The following DCHS2 variants were observed in gnomAD, a reference collection of about 807,000 sequenced individuals.
The protein encoded by DCHS2 is dachsous cadherin-related 2, also known as protocadherin-23.
A neutral mutation model predicts 182.4 loss-of-function variants in DCHS2; 142 were observed. The ratio of observed to expected loss-of-function variants is 0.78; its 90% CI spans 0.68 to 0.89. DCHS2 has a LOEUF of 0.89. Ranked by LOEUF, DCHS2 falls within the 40% of genes least tolerant of loss-of-function variation. The probability of loss-of-function intolerance (pLI) is 0.00; values close to 1 mark genes in which losing one functional copy is unlikely to be tolerated. For synonymous variants in DCHS2, 1,740 were observed against 1,663.3 expected (o/e 1.05, Z -1.12); for missense variants, 4,319 against 4,198.6 (o/e 1.03, Z -0.79).
In DCHS2 at chr4:154,320,634, C is replaced by T. The variant is rs1736021751; in HGVS notation, c.4765G>A (p.Ala1589Thr). The change falls in exon 9 of 20, where the codon GCA (alanine) becomes ACA (threonine). Residue 1589 changes from alanine (A) to threonine (T), a missense_variant. Transcript: ENST00000357232. ...GTCACATTCACAGCCTGATCAGATG[C>T]TGTTACTGTCAGGATGACAGTTGGA... ...SIPTVILTVT[A>T]SDQAVNVTDR... 1 of 1,614,036 alleles carries T rather than the reference C, an allele frequency of 6.2e-7. No individual in the cohort carries two copies. Among genetic ancestry groups the T allele is most frequent in the African/African-American group, 1.3e-5 (1 of 74,912 alleles).
Position 154,483,769 on chromosome 4 carries a change from A to ATTAT in DCHS2, c.2052+5534_2052+5535insATAA, listed in dbSNP as rs544528552. ...GTCCTTGAGGCTCAGGAATACAAGC[A>ATTAT]CATAGCATTATCATCACAGAGACCT... On this transcript the variant is annotated intron_variant, in intron 1 of 19. Transcript: ENST00000357232. Among the ~76,000 whole-genome samples, 217 of 152,278 alleles carry ATTAT rather than the reference A, an allele frequency of 1.4e-3. 1 individual carries two copies. The highest frequency in any genetic ancestry group is 4.9e-3 in the African/African-American group (203 of 41,546).
chr4:154,409,417 G>A (rs1055939792), intron 1 of DCHS2, among the ~76,000 whole-genome samples: 1 of 152,114 alleles, frequency 6.6e-6, no homozygotes, highest in African/African-American at 2.4e-5. Context: ...CCTAAATTGT[G>A]ATTGTACCCT....
Position 154,236,206 on chromosome 4 carries a change from G to T in DCHS2, c.8446C>A (p.His2816Asn). Residue 2816 changes from histidine (H) to asparagine (N), a missense_variant, in exon 20 of 20, where the codon CAT (histidine) becomes AAT (asparagine). Physicochemically the swap from His to Asn is moderately conservative, Grantham distance 68 (BLOSUM62 1). Coordinates refer to ENST00000357232, the MANE Select transcript of DCHS2 (RefSeq NM_001358235.2). ...AGATCATGATCATAAGACATTCCAT[G>T]AGTGAGAAAACAGGGTGATACAATA... is the stretch of plus-strand genomic sequence containing the variant. ...YSIVSPCFLT[H>N]GMSYDHDLFL... 3 of 1,613,900 alleles carry T rather than the reference G, an allele frequency of 1.9e-6. No homozygotes were observed.
chr4:154,373,805 A>T (rs1167528556), intron 2 of DCHS2: 1 of 799,618 alleles, frequency 1.3e-6, no homozygotes, highest in Admixed American at 2.4e-5. Context: ...ATCACAGCCA[A>T]GATGGAGAAG....
At chr4:154,385,162 G>A (rs1731347655) in intron 1 of DCHS2, among the ~76,000 whole-genome samples, 1 of 145,154 alleles carries the variant, frequency 6.9e-6, no homozygotes, top group African/African-American at 2.6e-5. Context: ...CTATGAGTGA[G>A]AACATGCGGC....
chr4:154,385,190 T>C (rs1004058948), intron 1 of DCHS2, among the ~76,000 whole-genome samples: 2 of 151,358 alleles, frequency 1.3e-5, no homozygotes, highest in Non-Finnish European at 2.9e-5. Context: ...TTTTTGTCCT[T>C]GCAATAGTTT....
intron 12 of DCHS2, among the ~76,000 whole-genome samples, chr4:154,299,102 G>A (rs1043604373): frequency 6.6e-6 from 1 of 152,132 alleles, no homozygotes; most frequent in African/African-American, 2.4e-5. Context: ...AAAAAAAACA[G>A]AATATAATGT....
At chr4:154,292,964 T>C (rs1353040548) in intron 13 of DCHS2, among the ~76,000 whole-genome samples, 1 of 152,216 alleles carries the variant, frequency 6.6e-6, no homozygotes, top group South Asian at 2.1e-4. Context: ...ACCATCCTCC[T>C]GGGAATTGTC....
intron 1 of DCHS2, among the ~76,000 whole-genome samples, chr4:154,382,775 T>G (rs879395893): frequency 1.3e-5 from 2 of 152,018 alleles, no homozygotes; most frequent in African/African-American, 2.4e-5. Flanking sequence ...ATCAGAGAAA[T>G]GCAAATCAAT....
chr4:154,451,600 G>A (rs1319143327), intron 1 of DCHS2, among the ~76,000 whole-genome samples: 1 of 152,142 alleles, frequency 6.6e-6, no homozygotes, highest in Non-Finnish European at 1.5e-5. Context: ...GTTCACAGAT[G>A]CTTCCACATG....
At position 154,332,377 on chromosome 4, in the gene DCHS2, C is replaced by G. The variant is rs1020082164; in HGVS notation, c.3730+101G>C. On this transcript the variant is annotated intron_variant, in intron 5 of 19. Transcript: ENST00000357232. Reference sequence around the variant, plus strand: ...CCTAACGACTTGAGTTTTCTCAATCCTGATTTTGTTTAATTTTTTATTTTT... The same window carrying G: ...CCTAACGACTTGAGTTTTCTCAATCGTGATTTTGTTTAATTTTTTATTTTT... 19 of 1,111,770 alleles carry G rather than the reference C, an allele frequency of 1.7e-5. No homozygotes were observed. In the African/African-American group the frequency reaches 2.4e-4, roughly 14 times the overall value. 68.9% of individuals were successfully genotyped at this position (1,111,770 alleles called of 1,614,324 possible).
At chr4:154,417,943 T>C (rs1732943346) in intron 1 of DCHS2, among the ~76,000 whole-genome samples, 1 of 152,248 alleles carries the variant, frequency 6.6e-6, no homozygotes. Flanking sequence ...CCATTTCATC[T>C]TTGCTTATTT....
intron 13 of DCHS2, among the ~76,000 whole-genome samples, chr4:154,292,866 C>T (rs1734729344): frequency 6.6e-6 from 1 of 152,126 alleles, no homozygotes; most frequent in South Asian, 2.1e-4. Context: ...AGCCATTTTT[C>T]CATCTCTATC....
At chr4:154,481,913 G>A (rs56223712) in intron 1 of DCHS2, among the ~76,000 whole-genome samples, 25,498 of 152,190 alleles carry the variant, frequency 0.17, 2,597 homozygotes, top group Admixed American at 0.28. Flanking sequence ...GAAATAATGA[G>A]AACGAGCAAA....
intron 7 of DCHS2, among the ~76,000 whole-genome samples, chr4:154,326,475 T>G (rs1736287517): frequency 6.6e-6 from 1 of 152,206 alleles, no homozygotes; most frequent in African/African-American, 2.4e-5. Context: ...CTTTGTGAGC[T>G]TCTGCATTTC....
chr4:154,391,431 A>C (rs771257129), intron 1 of DCHS2: 3 of 1,293,736 alleles, frequency 2.3e-6, no homozygotes. Context: ...AGCGTTCAAA[A>C]CTAAAAATAG....
intron 1 of DCHS2, among the ~76,000 whole-genome samples, chr4:154,442,180 C>T (rs886186029): frequency 2.6e-5 from 4 of 152,226 alleles, no homozygotes; most frequent in African/African-American, 4.8e-5. Context: ...ACTTATCCTT[C>T]CTAACTCATG....
Position 154,307,443 on chromosome 4 carries a change from A to ACG in DCHS2, c.5261-2213_5261-2212insCG, listed in dbSNP as rs1033271127. Among the ~76,000 whole-genome samples, 17 of 12,838 alleles carry ACG rather than the reference A, an allele frequency of 1.3e-3. No homozygotes were observed. The Non-Finnish European group carries it at 0.021, about 16-fold the overall frequency. 8.4% of individuals were successfully genotyped at this position (12,838 alleles called of 152,430 possible). A position where few individuals can be genotyped will look rare whatever the true frequency, so the allele number is the denominator to read the frequency against. On this transcript the variant is annotated intron_variant, in intron 10 of 19. Transcript: ENST00000357232. ...CACACATACACAGATGTGCGCGCGC[A>ACG]CACACACACACACACACACACATAT...
intron 1 of DCHS2, among the ~76,000 whole-genome samples, chr4:154,426,704 A>G (rs4696566): frequency 3.3e-5 from 5 of 151,924 alleles, no homozygotes. Flanking sequence ...GAGGCTGAGG[A>G]GGGAGGATTC....
Sources: gnomAD v4.1 joint callset for allele counts (sites outside exome capture counted in the v4.1 genomes callset) on GRCh38, gnomAD v4.1.1 for gene constraint, MANE v1.5 for transcripts, NCBI Gene and HGNC (gene_info 2026-07-23, HGNC 2026-07-21) for gene names.